Variants in ZNF141 observed in about 807,000 individuals in gnomAD.
ZNF141 encodes the protein zinc finger protein 141 (clone pHZ-44).
A neutral mutation model predicts 11.3 loss-of-function variants in ZNF141; 7 were observed. That is an observed-to-expected ratio of 0.62 (90% CI 0.35 to 1.16). The LOEUF is 1.16. Among genes scored for constraint, ZNF141 ranks in the 50% most tolerant of loss-of-function variants. The pLI, the probability that ZNF141 is intolerant of heterozygous loss-of-function variation, is 0.02. For synonymous variants in ZNF141, 183 were observed against 190.7 expected, an observed-to-expected ratio of 0.96 and a Z score of 0.33; for missense variants, 535 against 554.0, an observed-to-expected ratio of 0.97 and a Z score of 0.34.
At chr4:340,880 C>T (rs527335022) in intron 1 of ZNF141, among the ~76,000 whole-genome samples, 1 of 152,270 alleles carries the variant, frequency 6.6e-6, no homozygotes, top group East Asian at 1.9e-4. Flanking sequence ...GAATTTCTGA[C>T]AGCTTTCTAT....
At chr4:341,736 C>T (rs1721061972) in intron 1 of ZNF141, among the ~76,000 whole-genome samples, 1 of 152,210 alleles carries the variant, frequency 6.6e-6, no homozygotes, top group Non-Finnish European at 1.5e-5. Flanking sequence ...TGAAATCTCT[C>T]ACAGAACTGA....
chr4:367,754 A>G (rs1054284818), intron 3 of ZNF141, among the ~76,000 whole-genome samples: 3 of 152,084 alleles, frequency 2.0e-5, no homozygotes, highest in Non-Finnish European at 2.9e-5. Context: ...TGACCTCATG[A>G]TCTGTCCGCC....
intron 3 of ZNF141, among the ~76,000 whole-genome samples, chr4:349,576 C>A (rs1299964215): frequency 1.3e-5 from 2 of 152,126 alleles, no homozygotes; most frequent in East Asian, 3.9e-4. Flanking sequence ...CCTGTGTCTG[C>A]ATTTGACAAA....
At chr4:363,405 A>G (rs985294695) in intron 3 of ZNF141, among the ~76,000 whole-genome samples, 1 of 152,126 alleles carries the variant, frequency 6.6e-6, no homozygotes, top group Non-Finnish European at 1.5e-5. Context: ...AACTTCCAAC[A>G]CTATGTTGAA....
chr4:367,992 G>A (rs781854808), intron 3 of ZNF141, among the ~76,000 whole-genome samples: 1 of 151,992 alleles, frequency 6.6e-6, no homozygotes, highest in Non-Finnish European at 1.5e-5. Flanking sequence ...TGTTTATCTT[G>A]CAAGGCTAAC....
rs1246181318 is a variant in ZNF141 at position 384,186 on chromosome 4, T to C, written c.*10324T>C. 9 of 152,124 alleles carry C rather than the reference T, an allele frequency of 5.9e-5. No homozygotes were observed. Among genetic ancestry groups the C allele is most frequent in the East Asian group, 5.8e-4 (3 of 5,188 alleles). 9.4% of individuals were successfully genotyped at this position (152,124 alleles called of 1,614,324 possible). ...CCTGGCAATTAGGTCCAAAGATAAA[T>C]AGCAAAACAAGAAGTTTGCCTTTAA... On this transcript the variant is annotated 3_prime_UTR_variant, in exon 4 of 4. Coordinates refer to ENST00000240499, the MANE Select transcript of ZNF141 (RefSeq NM_003441.4).
At position 381,980 on chromosome 4, in the gene ZNF141, C is replaced by T. The variant is rs1442057292; in HGVS notation, c.*8118C>T. Reference sequence around the variant, plus strand: ...TTTTTTTTTTTGAGACGGAGTCTCACTCTCGCCCAGGCTGGAGTGCAGTGG... The same window carrying T: ...TTTTTTTTTTTGAGACGGAGTCTCATTCTCGCCCAGGCTGGAGTGCAGTGG... On this transcript the variant is annotated 3_prime_UTR_variant, in exon 4 of 4. Transcript: ENST00000240499. Among the ~76,000 whole-genome samples, 4 of 112,110 alleles carry T rather than the reference C, an allele frequency of 3.6e-5. No individual in the cohort carries two copies. In the East Asian group the frequency reaches 1.0e-3, roughly 29 times the overall value. The allele number at this position is 112,110 out of a possible 152,430, so 73.5% of individuals were successfully genotyped here.
intron 3 of ZNF141, among the ~76,000 whole-genome samples, chr4:346,706 A>G (rs569327179): frequency 1.3e-5 from 2 of 152,214 alleles, no homozygotes; most frequent in Admixed American, 1.3e-4. Flanking sequence ...TATCTAACTG[A>G]GAAAATTTAG....
At chr4:366,397 C>T (rs1581617452) in intron 3 of ZNF141, among the ~76,000 whole-genome samples, 1 of 152,220 alleles carries the variant, frequency 6.6e-6, no homozygotes, top group Non-Finnish European at 1.5e-5. Context: ...CAACCTCTGC[C>T]TCCTGGGTTC....
Position 369,292 on chromosome 4 carries a change from A to G in ZNF141, c.227-3372A>G, listed in dbSNP as rs562673596. 3.9e-5 allele frequency among the ~76,000 whole-genome samples: 6 copies of G among 152,266 alleles called. No homozygotes were observed. In the East Asian group the frequency reaches 1.2e-3, roughly 29 times the overall value. The stretch of plus-strand genomic sequence containing the variant: ...CCCCTTATGAGCTTTTAGTTAAAGT[A>G]TATTTTATGAAATAGAGTTTTTGAC... On this transcript the variant is annotated intron_variant, in intron 3 of 3. Coordinates refer to ENST00000240499, the MANE Select transcript of ZNF141 (RefSeq NM_003441.4).
rs3749520 is a variant in ZNF141, at chr4:337,869, T to C, written c.-115T>C. 0.39 allele frequency: 541,680 copies of C among 1,394,902 alleles called. 107,860 individuals carry two copies. Among genetic ancestry groups the C allele is most frequent in the African/African-American group, 0.57 (39,105 of 68,588 alleles). 86.4% of individuals were successfully genotyped at this position (1,394,902 alleles called of 1,614,324 possible). A position where few individuals can be genotyped will look rare whatever the true frequency, so the allele number is the denominator to read the frequency against. On this transcript the variant is annotated 5_prime_UTR_variant, in exon 1 of 4. Coordinates refer to ENST00000240499, the MANE Select transcript of ZNF141 (RefSeq NM_003441.4). ...GGTTAGGGGCTTCATCTCTCTGCGT[T>C]CTCAGTTGTGGGAGGCCTTGGTGAT...
rs1421694387 is a variant in ZNF141 at position 342,823 on chromosome 4, G to A, written c.4-959G>A. The A allele has an allele frequency of 1.9e-6, 3 of 1,606,686 alleles. No individual in the cohort carries two copies. In the African/African-American group the frequency reaches 4.0e-5, roughly 21 times the overall value. On this transcript the variant is annotated intron_variant, in intron 1 of 3. Coordinates refer to ENST00000240499, the MANE Select transcript of ZNF141 (RefSeq NM_003441.4). The stretch of plus-strand genomic sequence containing the variant: ...CAGCACTACAGAAAAAATTCAAACA[G>A]GTCCCCGAGGCATTTTGAAATTCAT...
intron 3 of ZNF141, among the ~76,000 whole-genome samples, chr4:352,275 T>C (rs1721640599): frequency 6.6e-6 from 1 of 152,186 alleles, no homozygotes; most frequent in Non-Finnish European, 1.5e-5. Context: ...TAGTCCCAGC[T>C]ACTCAGAAGG....
rs1409373840 is a variant in ZNF141 at position 381,985 on chromosome 4, G to A, written c.*8123G>A. ...TTTTTTGAGACGGAGTCTCACTCTC[G>A]CCCAGGCTGGAGTGCAGTGGCTCGA... On this transcript the variant is annotated 3_prime_UTR_variant, in exon 4 of 4. Transcript: ENST00000240499. Among the ~76,000 whole-genome samples the A allele has an allele frequency of 1.8e-5, 2 of 110,770 alleles. No homozygotes were observed. Among genetic ancestry groups the A allele is most frequent in the Non-Finnish European group, 3.5e-5 (2 of 56,660 alleles). The allele number at this position is 110,770 out of a possible 152,430, so 72.7% of individuals were successfully genotyped here.
At chr4:346,609 C>G (rs1235176250) in intron 3 of ZNF141, among the ~76,000 whole-genome samples, 1 of 152,128 alleles carries the variant, frequency 6.6e-6, no homozygotes, top group Non-Finnish European at 1.5e-5. Flanking sequence ...AATTTGTGCT[C>G]TTGAACAACA....
In ZNF141 at chr4:352,757, T is replaced by G. The variant is rs191826578; in HGVS notation, c.226+8327T>G. Among the ~76,000 whole-genome samples, 1,126 of 152,310 alleles carry G rather than the reference T, an allele frequency of 7.4e-3. 11 individuals carry two copies. The Middle Eastern group carries it at 0.075, about 10-fold the overall frequency. On this transcript the variant is annotated intron_variant, in intron 3 of 3. Coordinates refer to ENST00000240499, the MANE Select transcript of ZNF141 (RefSeq NM_003441.4). ...GTCCTATACATTTTTTCCCTTTGGC[T>G]TTTACTGAGCTGTATTCAATATAAT...
In ZNF141 at chr4:373,975, C is replaced by A; in HGVS notation, c.*113C>A. On this transcript the variant is annotated 3_prime_UTR_variant, in exon 4 of 4. Transcript: ENST00000240499. ...AACCCTGGAAATGTGAAGAACGTGGCAAAGTTCTTTACCTCATTCTCAAAC... is the reference window on the plus strand; with the variant it reads ...AACCCTGGAAATGTGAAGAACGTGGAAAAGTTCTTTACCTCATTCTCAAAC... The A allele has an allele frequency of 2.1e-6, 2 of 970,798 alleles. No homozygotes were observed. Among genetic ancestry groups the A allele is most frequent in the Non-Finnish European group, 3.1e-6 (2 of 639,344 alleles). The allele number at this position is 970,798 out of a possible 1,614,324, so 60.1% of individuals were successfully genotyped here. A position where few individuals can be genotyped will look rare whatever the true frequency, so the allele number is the denominator to read the frequency against.
chr4:380,318 T>A lies in ZNF141; in HGVS notation c.*6456T>A, dbSNP rs1448319665. 1.3e-5 allele frequency among the ~76,000 whole-genome samples: 2 copies of A among 152,198 alleles called. No individual in the cohort carries two copies. Among genetic ancestry groups the A allele is most frequent in the African/African-American group, 4.8e-5 (2 of 41,436 alleles). ...ATATACATGTTTTAGTAATAGTTGA[T>A]TTCTACCAAATGCTAACCATAATAC... On this transcript the variant is annotated 3_prime_UTR_variant, in exon 4 of 4. Coordinates refer to ENST00000240499, the MANE Select transcript of ZNF141 (RefSeq NM_003441.4).
chr4:373,226 C>A lies in ZNF141; in HGVS notation c.789C>A (p.Ala263=). The change falls in exon 4 of 4, where the codon GCC becomes GCA. Residue 263 remains alanine (A), a synonymous_variant. Transcript: ENST00000240499. ...KPYKCEECGK[A]FNRFTTLTKH... ...ATAAATGTGAAGAATGTGGCAAAGC[C>A]TTTAATAGGTTCACAACCCTTACTA... is the stretch of plus-strand genomic sequence containing the variant. 1 of 1,612,720 alleles carries A rather than the reference C, an allele frequency of 6.2e-7. No individual in the cohort carries two copies. Among genetic ancestry groups the A allele is most frequent in the Non-Finnish European group, 8.5e-7 (1 of 1,179,632 alleles).
Sources: allele counts gnomAD v4.1 joint callset (sites outside exome capture counted in the v4.1 genomes callset), GRCh38; gene constraint gnomAD v4.1.1; transcripts MANE v1.5; gene names NCBI Gene and HGNC (gene_info 2026-07-23, HGNC 2026-07-21).